TNR: variants seen among roughly 807,000 people sequenced by gnomAD.
TNR encodes the protein tenascin-R.
Under a neutral mutation model 150.4 loss-of-function variants are expected in TNR, and 45 were observed. The ratio of observed to expected loss-of-function variants is 0.30; its 90% confidence interval spans 0.24 to 0.38. TNR has a LOEUF of 0.38. Ranked by LOEUF, TNR falls within the 10% of genes least tolerant of loss-of-function variation. TNR has a pLI of 1.00. For missense variants in TNR, 1,544 were observed against 1,759.1 expected (o/e 0.88, Z 2.19); for synonymous variants, 687 against 678.4 (o/e 1.01, Z -0.20).
At chr1:175,608,111 T>C (rs925753590) in intron 1 of TNR, among the ~76,000 whole-genome samples, 11 of 152,216 alleles carry the variant, frequency 7.2e-5, no homozygotes, top group Non-Finnish European at 1.2e-4. Flanking sequence ...TTTAGAAGCC[T>C]TTGTCATTCC....
At chr1:175,546,664 C>T (rs1660701080) in intron 1 of TNR, among the ~76,000 whole-genome samples, 1 of 152,162 alleles carries the variant, frequency 6.6e-6, no homozygotes, top group Admixed American at 6.5e-5. Context: ...TCATCACTAT[C>T]GAGTCTGTGG....
chr1:175,478,654 C>T (rs970178758), intron 2 of TNR, among the ~76,000 whole-genome samples: 1 of 152,026 alleles, frequency 6.6e-6, no homozygotes, highest in Non-Finnish European at 1.5e-5. Flanking sequence ...CAGACAGCCT[C>T]CAGGGCGATG....
Position 175,599,666 on chromosome 1 carries a change from C to G in TNR, c.-164-71297G>C, listed in dbSNP as rs990321125. ...TGGCTAACTCCAGAGGCCGGCGGCT[C>G]CTTGCGGTGGGGAGAGGAGGACAGA... is the stretch of plus-strand genomic sequence containing the variant. On this transcript the variant is annotated intron_variant, in intron 1 of 22. Coordinates refer to ENST00000367674, the MANE Select transcript of TNR (RefSeq NM_003285.3). The surrounding 1 kb of genome is among the most constrained non-coding windows in gnomAD (Gnocchi z 4.7). Among the ~76,000 whole-genome samples, 1 of 152,202 alleles carries G rather than the reference C, an allele frequency of 6.6e-6. No homozygotes were observed. The highest frequency in any genetic ancestry group is 6.5e-5 in the Admixed American group (1 of 15,288).
chr1:175,607,077 C>G (rs1401705810), intron 1 of TNR, among the ~76,000 whole-genome samples: 1 of 152,214 alleles, frequency 6.6e-6, no homozygotes, highest in Non-Finnish European at 1.5e-5. Context: ...CTTTCAAATC[C>G]AGAAAGTTGG....
intron 2 of TNR, among the ~76,000 whole-genome samples, chr1:175,520,469 G>A (rs946924621): frequency 1.3e-5 from 2 of 152,136 alleles, no homozygotes; most frequent in Admixed American, 6.5e-5. Context: ...CCACATACTC[G>A]TATATTCACC....
chr1:175,462,221 G>T (rs1224542948), intron 2 of TNR, among the ~76,000 whole-genome samples: 1 of 152,190 alleles, frequency 6.6e-6, no homozygotes, highest in Non-Finnish European at 1.5e-5. Flanking sequence ...GTCACATAAA[G>T]GTAGAAGTGT....
At position 175,650,442 on chromosome 1, in the gene TNR, A is replaced by G. The variant is rs571612883; in HGVS notation, c.-165+92784T>C. 4.6e-5 allele frequency among the ~76,000 whole-genome samples: 7 copies of G among 152,048 alleles called. No homozygotes were observed. In the East Asian group the frequency reaches 1.4e-3, roughly 29 times the overall value. ...AAGAATAGTTTGGATTATTGAGTTG[A>G]CCATCTTATAACCAAGCACTCTGAT... On this transcript the variant is annotated intron_variant, in intron 1 of 22. Coordinates refer to ENST00000367674, the MANE Select transcript of TNR (RefSeq NM_003285.3).
intron 1 of TNR, among the ~76,000 whole-genome samples, chr1:175,703,583 T>C (rs1451766291): frequency 6.6e-6 from 1 of 152,194 alleles, no homozygotes; most frequent in Admixed American, 6.5e-5. Context: ...ATGTAAGTAA[T>C]GATCATTTAC....
intron 2 of TNR, among the ~76,000 whole-genome samples, chr1:175,453,475 G>A (rs1010111914): frequency 6.6e-6 from 1 of 152,010 alleles, no homozygotes; most frequent in African/African-American, 2.4e-5. Context: ...GGGACACACA[G>A]GTTTCTGCAA....
rs1228557750 is a variant in TNR at position 175,323,217 on chromosome 1, G to A, written c.*140C>T. On this transcript the variant is annotated 3_prime_UTR_variant, in exon 23 of 23. Transcript: ENST00000367674. ...AACCAAGAGCAGATGTTAGCCAGCG[G>A]ATTCCTGCGACATCCCTGCTTCCTT... 8.9e-7 allele frequency: 1 copy of A among 1,129,016 alleles called. No homozygotes were observed. The highest frequency in any genetic ancestry group is 2.7e-5 in the Admixed American group (1 of 36,528). 69.9% of individuals were successfully genotyped at this position (1,129,016 alleles called of 1,614,324 possible). A position where few individuals can be genotyped will look rare whatever the true frequency, so the allele number is the denominator to read the frequency against.
At chr1:175,671,044 G>A (rs1464358557) in intron 1 of TNR, among the ~76,000 whole-genome samples, 1 of 152,168 alleles carries the variant, frequency 6.6e-6, no homozygotes, top group East Asian at 1.9e-4. Context: ...TGGAGATGGA[G>A]AGAGGAGGAC....
At chr1:175,524,477 T>C (rs1172631924) in intron 2 of TNR, among the ~76,000 whole-genome samples, 1 of 151,890 alleles carries the variant, frequency 6.6e-6, no homozygotes, top group African/African-American at 2.4e-5. Context: ...AAAAAGAACT[T>C]ACAGAGAGTG....
At position 175,436,699 on chromosome 1, in the gene TNR, T is replaced by A. The variant is rs190661561; in HGVS notation, c.-63-29922A>T. On this transcript the variant is annotated intron_variant, in intron 2 of 22. Transcript: ENST00000367674. Reference sequence around the variant, plus strand: ...GATGGAGGAAGATCTACCAAGCAAATGGAAAACCAAAAAAAGGCAGGGGTT... The same window carrying A: ...GATGGAGGAAGATCTACCAAGCAAAAGGAAAACCAAAAAAAGGCAGGGGTT... 1.1e-3 allele frequency among the ~76,000 whole-genome samples: 169 copies of A among 151,914 alleles called. 2 individuals carry two copies. The highest frequency in any genetic ancestry group is 5.6e-3 in the Admixed American group (85 of 15,264).
At chr1:175,731,307 G>T (rs561428805) in intron 1 of TNR, among the ~76,000 whole-genome samples, 2 of 152,200 alleles carry the variant, frequency 1.3e-5, no homozygotes, top group African/African-American at 4.8e-5. Flanking sequence ...CTGTTGCCCT[G>T]TGCTATCTTG....
rs1405186205 is a variant in TNR at position 175,406,625 on chromosome 1, C to A, written c.90G>T (p.Glu30Asp). Residue 30 changes from glutamate to aspartate, a missense_variant, in exon 3 of 23, where the codon GAG (glutamate) becomes GAT (aspartate). Glu to Asp is a conservative substitution (Grantham distance 45, BLOSUM62 2). Coordinates refer to ENST00000367674, the MANE Select transcript of TNR (RefSeq NM_003285.3). ...ILLGSMIKPS[E>D]CQLEVTTERV... ...TTTCTGTGGTGACCTCCAGCTGACA[C>A]TCTGAAGGCTTGATCATGGAGCCCA... 6.2e-7 allele frequency: 1 copy of A among 1,614,262 alleles called. No individual in the cohort carries two copies. Among genetic ancestry groups the A allele is most frequent in the African/African-American group, 1.3e-5 (1 of 75,074 alleles).
chr1:175,726,171 C>A (rs1294740727), intron 1 of TNR, among the ~76,000 whole-genome samples: 1 of 152,054 alleles, frequency 6.6e-6, no homozygotes, highest in Non-Finnish European at 1.5e-5. Flanking sequence ...AGTACCAGTC[C>A]TCAAGAACAT....
At chr1:175,335,689 G>A (rs1557871528) in intron 20 of TNR, 22 bp downstream of exon 20, 3 of 1,602,810 alleles carry the variant, frequency 1.9e-6, no homozygotes, top group South Asian at 1.1e-5. Flanking sequence ...CACATCAATG[G>A]AAAGCAATAA....
intron 1 of TNR, among the ~76,000 whole-genome samples, chr1:175,682,083 G>A (rs1490194339): frequency 1.3e-5 from 2 of 152,148 alleles, no homozygotes; most frequent in Non-Finnish European, 2.9e-5. Flanking sequence ...CATAAGGATG[G>A]TTTTAATCCT....
At chr1:175,397,112 C>A (rs555666180) in intron 4 of TNR, among the ~76,000 whole-genome samples, 3 of 152,224 alleles carry the variant, frequency 2.0e-5, no homozygotes, top group South Asian at 2.1e-4. Context: ...ATTAAAGATT[C>A]AATTTTATAA....
Sources: allele counts gnomAD v4.1 joint callset (sites outside exome capture counted in the v4.1 genomes callset), GRCh38; gene constraint gnomAD v4.1.1; non-coding constraint Gnocchi (gnomAD v3.1); transcripts MANE v1.5; gene names NCBI Gene and HGNC (gene_info 2026-07-23, HGNC 2026-07-21).